GRB14: variants seen among roughly 807,000 people sequenced by gnomAD.
GRB14 encodes growth factor receptor bound protein 14.
Under a neutral mutation model 69.1 loss-of-function variants are expected in GRB14, and 38 were observed. The ratio of observed to expected loss-of-function variants is 0.55; its 90% CI spans 0.42 to 0.72. The LOEUF is 0.72. GRB14 is among the 30% of genes least tolerant of loss of function. The pLI, the probability that GRB14 is intolerant of heterozygous loss-of-function variation, is 0.00. For missense variants in GRB14, 666 were observed against 666.1 expected, an observed-to-expected ratio of 1.00 and a Z score of 0.00; for synonymous variants, 247 against 241.3, an observed-to-expected ratio of 1.02 and a Z score of -0.22.
Position 164,571,909 on chromosome 2 carries a change from C to T in GRB14, c.325-24093G>A, listed in dbSNP as rs533620917. ...TTATTATTAAATACATAGCTTGATA[C>T]ATTAGCATAAAATGTCACATTCATA... On this transcript the variant is annotated intron_variant, in intron 2 of 13. Transcript: ENST00000263915. Among the ~76,000 whole-genome samples, 8 of 152,316 alleles carry T rather than the reference C, an allele frequency of 5.3e-5. No homozygotes were observed. In the South Asian group the frequency reaches 1.7e-3, roughly 32 times the overall value.
chr2:164,530,374 A>T (rs1687893349), intron 3 of GRB14, among the ~76,000 whole-genome samples: 1 of 152,088 alleles, frequency 6.6e-6, no homozygotes, highest in African/African-American at 2.4e-5. Context: ...CATGACCCAA[A>T]CACCTCCCAC....
At chr2:164,588,841 C>T (rs145326943) in intron 2 of GRB14, among the ~76,000 whole-genome samples, 1,559 of 152,252 alleles carry the variant, frequency 0.01, 24 homozygotes, top group African/African-American at 0.035. Context: ...TAAGTAACAT[C>T]GTTCTAAAAT....
At chr2:164,502,206 T>C in intron 9 of GRB14, 49 bp downstream of exon 9, 2 of 885,598 alleles carry the variant, frequency 2.3e-6, no homozygotes, top group Non-Finnish European at 3.8e-6. Flanking sequence ...TTTAAATTAA[T>C]ATAATGTGAA....
intron 3 of GRB14, among the ~76,000 whole-genome samples, chr2:164,541,818 G>A (rs1688246816): frequency 6.6e-6 from 1 of 152,048 alleles, no homozygotes; most frequent in Non-Finnish European, 1.5e-5. Flanking sequence ...CAGAAAGTGA[G>A]CACAGTACTC....
chr2:164,592,200 T>A (rs1689682763), intron 2 of GRB14, among the ~76,000 whole-genome samples: 1 of 152,084 alleles, frequency 6.6e-6, no homozygotes, highest in Non-Finnish European at 1.5e-5. Flanking sequence ...AGTGGCACCA[T>A]CTCGGCTCAC....
chr2:164,588,957 C>T (rs1014022254), intron 2 of GRB14, among the ~76,000 whole-genome samples: 2 of 152,122 alleles, frequency 1.3e-5, no homozygotes, highest in Non-Finnish European at 2.9e-5. Context: ...ATTCCCAATT[C>T]GGAGAAAGAA....
intron 2 of GRB14, among the ~76,000 whole-genome samples, chr2:164,558,442 C>T (rs1688736570): frequency 6.6e-6 from 1 of 152,162 alleles, no homozygotes; most frequent in Non-Finnish European, 1.5e-5. Context: ...CACACAGACA[C>T]ACATGTTAAG....
At chr2:164,589,592 C>T (rs1482769642) in intron 2 of GRB14, among the ~76,000 whole-genome samples, 1 of 152,022 alleles carries the variant, frequency 6.6e-6, no homozygotes, top group Non-Finnish European at 1.5e-5. Flanking sequence ...CAGCTCTGTC[C>T]AGAGCTCATG....
At chr2:164,513,798 G>A (rs1183849244) in intron 6 of GRB14, among the ~76,000 whole-genome samples, 1 of 152,126 alleles carries the variant, frequency 6.6e-6, no homozygotes, top group Non-Finnish European at 1.5e-5. Context: ...CCATAAAGAA[G>A]CAACAGTGTT....
chr2:164,572,740 T>C (rs372988293), intron 2 of GRB14, among the ~76,000 whole-genome samples: 118 of 152,310 alleles, frequency 7.7e-4, no homozygotes, highest in Middle Eastern at 3.4e-3. Context: ...TTGAGGGCAG[T>C]GGCATGTCTA....
intron 2 of GRB14, among the ~76,000 whole-genome samples, chr2:164,575,877 A>C (rs1559057964): frequency 6.6e-6 from 1 of 152,158 alleles, no homozygotes; most frequent in South Asian, 2.1e-4. Flanking sequence ...ATTGGAAAAC[A>C]TAAAATAACA....
chr2:164,587,845 A>C (rs1184479788), intron 2 of GRB14, among the ~76,000 whole-genome samples: 1 of 152,208 alleles, frequency 6.6e-6, no homozygotes, highest in African/African-American at 2.4e-5. Flanking sequence ...TTCTCACAGA[A>C]GTAAAACATC....
intron 6 of GRB14, among the ~76,000 whole-genome samples, chr2:164,514,433 C>T (rs956559423): frequency 7.2e-5 from 11 of 152,288 alleles, no homozygotes; most frequent in Admixed American, 3.9e-4. Flanking sequence ...ACCCTCACTG[C>T]GGAACCTGAA....
Position 164,492,791 on chromosome 2 carries a change from A to C in GRB14, c.*245T>G, listed in dbSNP as rs1364867492. 1.2e-5 allele frequency: 4 copies of C among 340,752 alleles called. No individual in the cohort carries two copies. Among genetic ancestry groups the C allele is most frequent in the African/African-American group, 6.4e-5 (3 of 47,234 alleles). 21.1% of individuals were successfully genotyped at this position (340,752 alleles called of 1,614,324 possible). On this transcript the variant is annotated 3_prime_UTR_variant, in exon 14 of 14. Transcript: ENST00000263915. ...GAAGAAAATATTATAGCAATGTAAA[A>C]ATCACACAAGAACACACCAAGTCAT...
intron 2 of GRB14, among the ~76,000 whole-genome samples, chr2:164,588,476 A>G (rs1324341807): frequency 2.0e-5 from 3 of 152,212 alleles, no homozygotes; most frequent in Non-Finnish European, 4.4e-5. Context: ...GCAAATGTGG[A>G]CATCATTATA....
At chr2:164,508,129 GT>G (rs1559024902) in intron 8 of GRB14, among the ~76,000 whole-genome samples, 2 of 152,184 alleles carry the variant, frequency 1.3e-5, no homozygotes, top group African/African-American at 4.8e-5. Flanking sequence ...TGTTGGCAAC[GT>G]TTTAAGAGTG....
intron 2 of GRB14, among the ~76,000 whole-genome samples, chr2:164,553,282 A>G (rs1197202074): frequency 6.6e-6 from 1 of 152,188 alleles, no homozygotes; most frequent in Non-Finnish European, 1.5e-5. Context: ...ATATGCCACT[A>G]TTTTCTTCAG....
intron 3 of GRB14, among the ~76,000 whole-genome samples, chr2:164,546,466 G>T (rs1688378394): frequency 6.6e-6 from 1 of 152,160 alleles, no homozygotes; most frequent in South Asian, 2.1e-4. Flanking sequence ...ATAGCACTGA[G>T]ATTTTCCCCA....
At chr2:164,608,562 C>T (rs771808662) in intron 2 of GRB14, among the ~76,000 whole-genome samples, 112 of 150,380 alleles carry the variant, frequency 7.4e-4, no homozygotes, top group Non-Finnish European at 1.4e-3. Flanking sequence ...GCCAATGCCT[C>T]GTTCATGCCT....
Sources: gnomAD v4.1 joint callset for allele counts (sites outside exome capture counted in the v4.1 genomes callset) on GRCh38, gnomAD v4.1.1 for gene constraint, MANE v1.5 for transcripts, NCBI Gene and HGNC (gene_info 2026-07-23, HGNC 2026-07-21) for gene names.